PVT1: variants seen among roughly 807,000 people sequenced by gnomAD.
PVT1 encodes the protein Pvt1 oncogene.
chr8:128,051,822 A>G (rs1388381411), intron 4 of PVT1, among the ~76,000 whole-genome samples: 1 of 151,844 alleles, frequency 6.6e-6, no homozygotes, highest in Non-Finnish European at 1.5e-5. Flanking sequence ...TTGAACTTCT[A>G]CTTTGTTTAT....
intron 3 of PVT1, among the ~76,000 whole-genome samples, chr8:127,956,214 T>C (rs1269587278): frequency 6.6e-6 from 1 of 152,222 alleles, no homozygotes; most frequent in Non-Finnish European, 1.5e-5. Flanking sequence ...CCTTAGTGCT[T>C]GTTCCACAGG....
chr8:128,089,172 T>G (rs137879085), intron 5 of PVT1, among the ~76,000 whole-genome samples: 5 of 152,352 alleles, frequency 3.3e-5, no homozygotes, highest in African/African-American at 4.8e-5. Flanking sequence ...CCTACTGTCT[T>G]AGTCCATTTT....
In PVT1 at chr8:127,920,777, ATAACT is replaced by A. The variant is rs201147689; in HGVS notation, n.782+29783_782+29787del. ...TTTGCTAAAAAAAAATTGTCACCAA[ATAACT>A]TAAAGGCAAAACAGCTGTAAAAAAT... On this transcript the variant is annotated intron_variant and non_coding_transcript_variant, in intron 3 of 10. Coordinates refer to ENST00000651587, the Ensembl canonical transcript of PVT1. Among the ~76,000 whole-genome samples, 33 of 152,372 alleles carry A rather than the reference ATAACT, an allele frequency of 2.2e-4. 1 individual carries two copies. In the East Asian group the frequency reaches 6.0e-3, roughly 28 times the overall value.
intron 4 of PVT1, among the ~76,000 whole-genome samples, chr8:128,046,346 G>A (rs886380035): frequency 2.0e-5 from 3 of 152,206 alleles, no homozygotes; most frequent in African/African-American, 4.8e-5. Context: ...TTTTCCAAAT[G>A]AGAAAACTGT....
At chr8:128,075,127 T>C (rs1247200444) in intron 5 of PVT1, among the ~76,000 whole-genome samples, 1 of 152,224 alleles carries the variant, frequency 6.6e-6, no homozygotes, top group African/African-American at 2.4e-5. Context: ...ACTGTTGTCA[T>C]AATACTCTTT....
At chr8:128,002,968 T>TCGTC (rs564255495) in intron 4 of PVT1, among the ~76,000 whole-genome samples, 1 of 84,602 alleles carries the variant, frequency 1.2e-5, no homozygotes, top group Non-Finnish European at 2.3e-5. Context: ...CCTCCCTCCC[T>TCGTC]CTTCCTTCCT....
At chr8:127,822,694 GA>G (rs1814747023) in intron 2 of PVT1, among the ~76,000 whole-genome samples, 1 of 152,254 alleles carries the variant, frequency 6.6e-6, no homozygotes, top group African/African-American at 2.4e-5. Context: ...CTCGGAAGCA[GA>G]AATGCTGAGC....
chr8:128,083,859 G>A (rs895587098), intron 5 of PVT1, among the ~76,000 whole-genome samples: 3 of 152,120 alleles, frequency 2.0e-5, no homozygotes, highest in Non-Finnish European at 2.9e-5. Flanking sequence ...CACCTCTGTC[G>A]GGGTCCCACT....
chr8:127,872,328 G>A (rs1250110674), intron 2 of PVT1, among the ~76,000 whole-genome samples: 2 of 150,904 alleles, frequency 1.3e-5, no homozygotes, highest in Non-Finnish European at 3.0e-5. Flanking sequence ...TGGGAGAATC[G>A]CTTGAACCCA....
At chr8:127,834,406 T>A (rs1183738999) in intron 2 of PVT1, among the ~76,000 whole-genome samples, 1 of 152,108 alleles carries the variant, frequency 6.6e-6, no homozygotes, top group Non-Finnish European at 1.5e-5. Context: ...TTATACCTTA[T>A]ACAAAAATTA....
At chr8:128,058,363 TAAAC>T (rs965747137) in intron 4 of PVT1, among the ~76,000 whole-genome samples, 9 of 149,880 alleles carry the variant, frequency 6.0e-5, no homozygotes, top group African/African-American at 1.5e-4. Flanking sequence ...TGTAACTAAT[TAAAC>T]AAACTGATGC....
chr8:128,081,692 G>C (rs551900762), intron 5 of PVT1, among the ~76,000 whole-genome samples: 2 of 152,118 alleles, frequency 1.3e-5, no homozygotes, highest in African/African-American at 2.4e-5. Context: ...CCATGGCACC[G>C]TGAGTATAAT....
chr8:127,890,045 T>A (rs188821462), intron 2 of PVT1, among the ~76,000 whole-genome samples: 1 of 152,292 alleles, frequency 6.6e-6, no homozygotes, highest in East Asian at 1.9e-4. Flanking sequence ...AGTTAGTGAA[T>A]GAATGAGTAA....
At chr8:127,934,938 G>A (rs548644528) in intron 3 of PVT1, among the ~76,000 whole-genome samples, 22 of 152,112 alleles carry the variant, frequency 1.4e-4, no homozygotes, top group Admixed American at 5.9e-4. Context: ...GCTGTACCTG[G>A]GTGCTCTGTT....
At chr8:128,043,786 A>G (rs1813574764) in intron 4 of PVT1, among the ~76,000 whole-genome samples, 2 of 149,550 alleles carry the variant, frequency 1.3e-5, no homozygotes, top group African/African-American at 2.5e-5. Flanking sequence ...ACACACACAC[A>G]CACACACACA....
chr8:128,014,789 A>C (rs916168198), intron 4 of PVT1, among the ~76,000 whole-genome samples: 1 of 152,348 alleles, frequency 6.6e-6, no homozygotes, highest in South Asian at 2.1e-4. Flanking sequence ...TGTGGACAGG[A>C]AAGCTAATGA....
intron 4 of PVT1, among the ~76,000 whole-genome samples, chr8:128,061,099 G>A (rs2648877): frequency 0.036 from 5,501 of 152,188 alleles, 197 homozygotes; most frequent in East Asian, 0.19. Flanking sequence ...TAGTAGAGAC[G>A]GGGTTTCGCC....
At chr8:127,874,901 C>G (rs1367114822) in intron 2 of PVT1, among the ~76,000 whole-genome samples, 1 of 139,832 alleles carries the variant, frequency 7.2e-6, no homozygotes, top group Non-Finnish European at 1.5e-5. Context: ...GGTTGGCCTC[C>G]AGGTGTGTGT....
intron 3 of PVT1, among the ~76,000 whole-genome samples, chr8:127,949,680 C>T (rs535177776): frequency 3.9e-5 from 6 of 152,136 alleles, no homozygotes; most frequent in South Asian, 2.1e-4. Flanking sequence ...TAGCAGATGA[C>T]GCTGAAACCC....
Sources: allele counts gnomAD v4.1 joint callset (sites outside exome capture counted in the v4.1 genomes callset), GRCh38; gene constraint gnomAD v4.1.1; transcripts MANE v1.5; gene names NCBI Gene and HGNC (gene_info 2026-07-23, HGNC 2026-07-21).